Variants in URI1 observed in about 807,000 individuals in gnomAD.
URI1 encodes the protein unconventional prefoldin RPB5 interactor 1.
URI1 carries 39 observed loss-of-function variants against 60.2 expected under a neutral mutation model. That is an observed-to-expected ratio of 0.65 (90% CI 0.50 to 0.85). The LOEUF is 0.85. Among genes scored for constraint, URI1 ranks in the 40% least tolerant of loss-of-function variants. The pLI is 0.00. For synonymous variants in URI1, 251 were observed against 236.8 expected, an observed-to-expected ratio of 1.06 and a Z score of -0.55; for missense variants, 691 against 665.9, an observed-to-expected ratio of 1.04 and a Z score of -0.42.
intron 1 of URI1, among the ~76,000 whole-genome samples, chr19:29,935,635 A>G (rs900593852): frequency 3.3e-5 from 5 of 150,182 alleles, no homozygotes; most frequent in African/African-American, 1.2e-4. Context: ...TTATCTGAAA[A>G]TGTCTTAATT....
chr19:29,942,613 G>C lies in URI1; in HGVS notation c.66G>C (p.Leu22=), dbSNP rs370296751. Residue 22 remains leucine (L), a synonymous_variant, in exon 1 of 11, where the codon CTG becomes CTC. Coordinates refer to ENST00000392271, the MANE Select transcript of URI1 (RefSeq NM_003796.3). ...PSPPSAPAPA[L]VPLRAPDVAR... Reference sequence around the variant, plus strand: ...CCCCTTCGGCCCCGGCCCCTGCCCTGGTTCCGTTGCGCGCCCCGGATGTGG... The same window carrying C: ...CCCCTTCGGCCCCGGCCCCTGCCCTCGTTCCGTTGCGCGCCCCGGATGTGG... 4.8e-5 allele frequency: 71 copies of C among 1,470,320 alleles called. No individual in the cohort carries two copies. The highest frequency in any genetic ancestry group is 4.2e-4 in the East Asian group (15 of 36,056). The allele number at this position is 1,470,320 out of a possible 1,614,324, so 91.1% of individuals were successfully genotyped here.
intron 4 of URI1, among the ~76,000 whole-genome samples, chr19:29,988,728 A>G (rs1193027955): frequency 6.6e-6 from 1 of 152,210 alleles, no homozygotes; most frequent in African/African-American, 2.4e-5. Flanking sequence ...GCGGTTAGGA[A>G]CAGAGCTGCT....
upstream of URI1, chr19:29,942,171 T>C (rs940610509): frequency 8.2e-6 from 8 of 976,076 alleles, no homozygotes; most frequent in Admixed American, 6.2e-5. Flanking sequence ...GGGCGGGGCC[T>C]GCGCGAGCTG....
chr19:29,995,742 T>G (rs772868788), intron 4 of URI1, among the ~76,000 whole-genome samples: 2 of 152,072 alleles, frequency 1.3e-5, no homozygotes, highest in South Asian at 2.1e-4. Context: ...TTTTTGAGTT[T>G]CCTAGATTTA....
chr19:29,997,838 C>T (rs1368806520), intron 4 of URI1, among the ~76,000 whole-genome samples: 3 of 152,138 alleles, frequency 2.0e-5, no homozygotes, highest in Non-Finnish European at 4.4e-5. Flanking sequence ...AATATCGGCT[C>T]ACTGTAACTT....
At chr19:29,942,700 C>T (rs756362839) in intron 1 of URI1, 36 bp downstream of exon 1, 12 of 1,363,508 alleles carry the variant, frequency 8.8e-6, no homozygotes, top group Middle Eastern at 2.5e-4. Context: ...CGCCTCCGCC[C>T]GCCGGGCTGC....
intron 4 of URI1, among the ~76,000 whole-genome samples, chr19:30,000,293 A>G (rs1223502678): frequency 6.6e-6 from 1 of 151,700 alleles, no homozygotes; most frequent in Non-Finnish European, 1.5e-5. Context: ...TTCAATTTGG[A>G]CTGGCTTCTC....
intron 6 of URI1, 106 bp from the exon 7 acceptor site, chr19:30,007,364 C>T (rs1007425165): frequency 3.1e-6 from 4 of 1,277,932 alleles, no homozygotes; most frequent in African/African-American, 1.5e-5. Flanking sequence ...TGTGACCCCT[C>T]TGTTTCAATA....
chr19:29,955,206 C>T (rs1301048898), intron 1 of URI1, among the ~76,000 whole-genome samples: 4 of 151,494 alleles, frequency 2.6e-5, no homozygotes, highest in African/African-American at 7.3e-5. Flanking sequence ...CCTCGTGATC[C>T]GCCTGCCTCG....
At chr19:30,010,499 A>G (rs867921273) in intron 8 of URI1, among the ~76,000 whole-genome samples, 4 of 152,200 alleles carry the variant, frequency 2.6e-5, no homozygotes, top group South Asian at 4.1e-4. Flanking sequence ...AGAAAGAACA[A>G]ATATTATTTG....
upstream of URI1, chr19:29,937,723 G>A (rs2054985707): frequency 6.6e-6 from 1 of 152,204 alleles, no homozygotes; most frequent in Admixed American, 6.5e-5. Context: ...CCTGATGGAT[G>A]CTGCCATAGG....
At chr19:29,955,871 G>T (rs1260741050) in intron 1 of URI1, among the ~76,000 whole-genome samples, 1 of 151,880 alleles carries the variant, frequency 6.6e-6, no homozygotes, top group Non-Finnish European at 1.5e-5. Flanking sequence ...GATTACAGGC[G>T]TGAGCCACCG....
At chr19:29,989,420 T>C (rs1234526698) in intron 4 of URI1, among the ~76,000 whole-genome samples, 1 of 149,806 alleles carries the variant, frequency 6.7e-6, no homozygotes, top group Admixed American at 6.6e-5. Context: ...GCCTGGGTTA[T>C]ATATTTTCTT....
chr19:29,944,163 A>ATATATATATC (rs2055070893), intron 1 of URI1, among the ~76,000 whole-genome samples: 1 of 68,454 alleles, frequency 1.5e-5, no homozygotes, highest in African/African-American at 8.0e-5. Context: ...ATATATATAT[A>ATATATATATC]TATATATATA....
rs1393487750 is a variant in URI1 at position 30,015,880 on chromosome 19, G to A, written c.*811G>A. 1 of 274,086 alleles carries A rather than the reference G, an allele frequency of 3.6e-6. No individual in the cohort carries two copies. Among genetic ancestry groups the A allele is most frequent in the African/African-American group, 2.2e-5 (1 of 44,980 alleles). The allele number at this position is 274,086 out of a possible 1,614,324, so 17.0% of individuals were successfully genotyped here. The stretch of plus-strand genomic sequence containing the variant: ...TTGGGAAACAAGGAAAGGTCTAGAT[G>A]CTTAAACATTTTAAATAAAAATTCC... On this transcript the variant is annotated 3_prime_UTR_variant, in exon 11 of 11. Coordinates refer to ENST00000392271, the MANE Select transcript of URI1 (RefSeq NM_003796.3).
chr19:29,986,524 A>G, intron 4 of URI1, 107 bp downstream of exon 4: 2 of 1,355,464 alleles, frequency 1.5e-6, no homozygotes, highest in Non-Finnish European at 2.0e-6. Flanking sequence ...TGATCTATGA[A>G]TCCAGGCTGT....
rs373999929 is a variant in URI1, at chr19:30,011,356, C to T, written c.1178+120C>T. 5.3e-6 allele frequency: 7 copies of T among 1,315,498 alleles called. No individual in the cohort carries two copies. The African/African-American group carries it at 1.1e-4, about 20-fold the overall frequency. 81.5% of individuals were successfully genotyped at this position (1,315,498 alleles called of 1,614,324 possible). ...GACCCTCACTGAAAAGTGAAGTGTT[C>T]TGAGGAGTTAACTTAGGATCTGATA... On this transcript the variant is annotated intron_variant, in intron 9 of 10. Coordinates refer to ENST00000392271, the MANE Select transcript of URI1 (RefSeq NM_003796.3).
chr19:29,942,702 C>T, intron 1 of URI1, 38 bp downstream of exon 1: 2 of 1,361,360 alleles, frequency 1.5e-6, no homozygotes, highest in Non-Finnish European at 9.5e-7. Context: ...CCTCCGCCCG[C>T]CGGGCTGCCC....
intron 1 of URI1, among the ~76,000 whole-genome samples, chr19:29,931,762 T>C (rs1000484813): frequency 6.6e-6 from 1 of 152,202 alleles, no homozygotes; most frequent in African/African-American, 2.4e-5. Context: ...TTATTCTTGA[T>C]GTTACTGTAC....
Sources: gnomAD v4.1 joint callset for allele counts (sites outside exome capture counted in the v4.1 genomes callset) on GRCh38, gnomAD v4.1.1 for gene constraint, MANE v1.5 for transcripts, NCBI Gene and HGNC (gene_info 2026-07-23, HGNC 2026-07-21) for gene names.